FARS2: variants seen among roughly 807,000 people sequenced by gnomAD.
The protein encoded by FARS2 is phenylalanine--tRNA ligase, mitochondrial.
A neutral mutation model predicts 46.4 loss-of-function variants in FARS2; 40 were observed. The observed-to-expected ratio is 0.86, with a 90% CI of 0.67 to 1.12. The LOEUF (loss-of-function observed/expected upper bound fraction) is 1.12, where lower values mean the gene tolerates loss of function less well. FARS2 is among the 50% of genes most tolerant of loss of function. The pLI is 0.00. For missense variants in FARS2, 513 were observed against 567.9 expected (o/e 0.90, Z 0.98); for synonymous variants, 234 against 214.9 (o/e 1.09, Z -0.78).
At chr6:5,571,972 C>A (rs1157841160) in intron 5 of FARS2, among the ~76,000 whole-genome samples, 1 of 152,192 alleles carries the variant, frequency 6.6e-6, no homozygotes. Flanking sequence ...GCCTCAGCTC[C>A]CTCATCCTTT....
chr6:5,748,236 C>T (rs369026571), intron 6 of FARS2, among the ~76,000 whole-genome samples: 3 of 152,170 alleles, frequency 2.0e-5, no homozygotes, highest in South Asian at 2.1e-4. Context: ...GTACCTGGAG[C>T]CCCTTTCTTT....
rs141942818 is a variant in FARS2, at chr6:5,393,667, A to T, written c.613-10875A>T. On this transcript the variant is annotated intron_variant, in intron 2 of 6. Transcript: ENST00000274680. Reference sequence around the variant, plus strand: ...CGAGACTCCACCTAAAAAAAAGGCAAGAAGATGACAAGTACTTTTAAAATT... The same window carrying T: ...CGAGACTCCACCTAAAAAAAAGGCATGAAGATGACAAGTACTTTTAAAATT... Among the ~76,000 whole-genome samples, 397 of 152,256 alleles carry T rather than the reference A, an allele frequency of 2.6e-3. 3 individuals carry two copies. Among genetic ancestry groups the T allele is most frequent in the Non-Finnish European group, 3.9e-3 (262 of 68,014 alleles).
intron 4 of FARS2, among the ~76,000 whole-genome samples, chr6:5,497,482 T>C (rs967375723): frequency 6.6e-6 from 1 of 152,246 alleles, no homozygotes; most frequent in Non-Finnish European, 1.5e-5. Context: ...AATGATTGGC[T>C]GTCATGGATT....
chr6:5,613,146 C>A (rs1476253520), intron 5 of FARS2, 23 bp from the exon 6 acceptor site: 2 of 1,602,160 alleles, frequency 1.2e-6, no homozygotes, highest in Non-Finnish European at 1.7e-6. Flanking sequence ...GTTCATGTAT[C>A]TTTTCTCCTC....
intron 5 of FARS2, among the ~76,000 whole-genome samples, chr6:5,612,366 ATGTAAC>A (rs1775235388): frequency 2.0e-5 from 3 of 152,358 alleles, no homozygotes; most frequent in South Asian, 4.1e-4. Flanking sequence ...TTTCATAGTT[ATGTAAC>A]AAAACTTTTT....
chr6:5,380,055 A>G (rs1056905937), intron 2 of FARS2, among the ~76,000 whole-genome samples: 1 of 152,334 alleles, frequency 6.6e-6, no homozygotes, highest in East Asian at 1.9e-4. Flanking sequence ...AGGGAAAGTC[A>G]TATTTATGGA....
chr6:5,441,422 A>T (rs1438207803), intron 4 of FARS2, among the ~76,000 whole-genome samples: 1 of 152,068 alleles, frequency 6.6e-6, no homozygotes, highest in African/African-American at 2.4e-5. Context: ...TTGTATTATT[A>T]CCTTGATTTT....
At chr6:5,382,749 C>A (rs762691270) in intron 2 of FARS2, among the ~76,000 whole-genome samples, 1 of 152,064 alleles carries the variant, frequency 6.6e-6, no homozygotes, top group Non-Finnish European at 1.5e-5. Context: ...TTCTCCAGAG[C>A]AACCGAACCA....
intron 1 of FARS2, among the ~76,000 whole-genome samples, chr6:5,284,811 A>G (rs1277593364): frequency 6.6e-6 from 1 of 152,070 alleles, no homozygotes; most frequent in Non-Finnish European, 1.5e-5. Context: ...TCCTCCTCTC[A>G]GCGCTTCTGT....
chr6:5,632,848 C>G (rs1395175724), intron 6 of FARS2, among the ~76,000 whole-genome samples: 1 of 152,054 alleles, frequency 6.6e-6, no homozygotes, highest in Non-Finnish European at 1.5e-5. Flanking sequence ...TTTTGTTCAG[C>G]TGTAAGAGTT....
intron 6 of FARS2, among the ~76,000 whole-genome samples, chr6:5,717,387 G>GTGTGTGTGTGTGTC (rs1554128779): frequency 6.6e-6 from 1 of 150,884 alleles, no homozygotes; most frequent in African/African-American, 2.4e-5. Context: ...GTGTGTGTGT[G>GTGTGTGTGTGTGTC]TGTCTATGTA....
intron 6 of FARS2, among the ~76,000 whole-genome samples, chr6:5,734,448 C>T (rs1760823334): frequency 6.6e-6 from 1 of 152,120 alleles, no homozygotes; most frequent in African/African-American, 2.4e-5. Flanking sequence ...CAGGAGGGGC[C>T]ATGCATCTGT....
At chr6:5,325,191 C>G (rs1216436533) in intron 1 of FARS2, among the ~76,000 whole-genome samples, 2 of 152,194 alleles carry the variant, frequency 1.3e-5, no homozygotes, top group Admixed American at 1.3e-4. Context: ...GCTGGGAGCT[C>G]TGGTGGGTGC....
intron 4 of FARS2, among the ~76,000 whole-genome samples, chr6:5,489,766 G>T (rs1766990292): frequency 6.6e-6 from 1 of 152,124 alleles, no homozygotes; most frequent in East Asian, 1.9e-4. Flanking sequence ...TATTATTATA[G>T]AAAGTTTTTG....
At chr6:5,287,785 T>C (rs1194914900) in intron 1 of FARS2, among the ~76,000 whole-genome samples, 1 of 152,192 alleles carries the variant, frequency 6.6e-6, no homozygotes, top group Non-Finnish European at 1.5e-5. Flanking sequence ...TTCCTTAAGA[T>C]GCGGAGCTCT....
intron 5 of FARS2, among the ~76,000 whole-genome samples, chr6:5,561,260 A>C (rs984616845): frequency 3.9e-5 from 6 of 152,302 alleles, no homozygotes; most frequent in African/African-American, 1.4e-4. Flanking sequence ...ATATTTTATC[A>C]AATTTTACAC....
At chr6:5,619,370 C>G (rs1340914678) in intron 6 of FARS2, among the ~76,000 whole-genome samples, 1 of 152,136 alleles carries the variant, frequency 6.6e-6, no homozygotes, top group Non-Finnish European at 1.5e-5. Flanking sequence ...GGTGGATTCA[C>G]TGATGCCCCT....
intron 4 of FARS2, among the ~76,000 whole-genome samples, chr6:5,511,156 G>A (rs1768428833): frequency 6.6e-6 from 1 of 152,104 alleles, no homozygotes; most frequent in South Asian, 2.1e-4. Context: ...AATGGTAGAG[G>A]GACAGAAGTA....
At chr6:5,298,224 G>T (rs1413872621) in intron 1 of FARS2, among the ~76,000 whole-genome samples, 4 of 152,334 alleles carry the variant, frequency 2.6e-5, no homozygotes, top group Middle Eastern at 3.4e-3. Context: ...GTCACTTCAT[G>T]TCACTCTCTG....
Sources: gnomAD v4.1 joint callset for allele counts (sites outside exome capture counted in the v4.1 genomes callset) on GRCh38, gnomAD v4.1.1 for gene constraint, MANE v1.5 for transcripts, NCBI Gene and HGNC (gene_info 2026-07-23, HGNC 2026-07-21) for gene names.